PKD2: variants seen among roughly 807,000 people sequenced by gnomAD.
PKD2 encodes polycystin-2.
Under a neutral mutation model 105.9 loss-of-function variants are expected in PKD2, and 48 were observed. The ratio of observed to expected loss-of-function variants is 0.45; its 90% CI spans 0.36 to 0.58. PKD2 has a LOEUF of 0.58. Ranked by LOEUF, PKD2 falls within the 20% of genes least tolerant of loss-of-function variation. The pLI is 0.00. For synonymous variants in PKD2, 464 were observed against 481.1 expected (o/e 0.96, Z 0.46); for missense variants, 1,078 against 1,255.3 (o/e 0.86, Z 2.13).
chr4:88,064,602 A>G (rs545343148), intron 10 of PKD2, among the ~76,000 whole-genome samples: 1 of 152,264 alleles, frequency 6.6e-6, no homozygotes, highest in African/African-American at 2.4e-5. Flanking sequence ...TCGCTAATGA[A>G]AAATCCTCGG....
Position 88,052,026 on chromosome 4 carries a change from A to G in PKD2, c.1584A>G (p.Arg528=), listed in dbSNP as rs1488592150. The G allele has an allele frequency of 1.9e-6, 3 of 1,599,280 alleles. No individual in the cohort carries two copies. Among genetic ancestry groups the G allele is most frequent in the Non-Finnish European group, 1.7e-6 (2 of 1,166,948 alleles). ...SVVAIGINIY[R]TSNVEVLLQF... is the part of the protein sequence containing the mutation. ...TAGCTATAGGAATTAACATATACAG[A>G]ACATCAAATGTGGAGGTGCTACTAC... The change falls in exon 7 of 15, where the codon AGA becomes AGG. Residue 528 remains arginine (R), a synonymous_variant. Transcript: ENST00000237596.
intron 2 of PKD2, among the ~76,000 whole-genome samples, chr4:88,022,488 TC>T (rs1024174490): frequency 3.3e-5 from 5 of 152,106 alleles, no homozygotes; most frequent in African/African-American, 1.2e-4. Flanking sequence ...TCTGAGTAAT[TC>T]CCCCATTCCT....
At chr4:88,038,642 T>A in intron 4 of PKD2, 141 bp downstream of exon 4, 1 of 847,968 alleles carries the variant, frequency 1.2e-6, no homozygotes, top group South Asian at 1.4e-5. Flanking sequence ...TATTTAAACC[T>A]TGGCCAACTT....
rs550580463 is a variant in PKD2, at chr4:88,055,341, T to C, written c.1717-745T>C. Among the ~76,000 whole-genome samples the C allele has an allele frequency of 4.7e-4, 72 of 152,288 alleles. 1 individual carries two copies. The highest frequency in any genetic ancestry group is 3.4e-3 in the Middle Eastern group (1 of 294). On this transcript the variant is annotated intron_variant, in intron 7 of 14. Transcript: ENST00000237596. The stretch of plus-strand genomic sequence containing the variant: ...GGGGGGTTTTATAATTAATTTTTAT[T>C]TGTGTGAAGTTTTTTCCCTCCCTTT...
intron 2 of PKD2, among the ~76,000 whole-genome samples, chr4:88,026,412 T>A (rs1726959643): frequency 1.3e-5 from 2 of 152,226 alleles, no homozygotes; most frequent in African/African-American, 4.8e-5. Flanking sequence ...AAGATATTTC[T>A]AAGCACCAAA....
intron 9 of PKD2, among the ~76,000 whole-genome samples, chr4:88,060,611 A>C (rs1720537210): frequency 6.6e-6 from 1 of 152,176 alleles, no homozygotes; most frequent in Non-Finnish European, 1.5e-5. Context: ...GACATTATCA[A>C]ATAGAAATAC....
At position 88,052,042 on chromosome 4, in the gene PKD2, G is replaced by A. The variant is rs780865432; in HGVS notation, c.1600G>A (p.Val534Met). ...INIYRTSNVE[V>M]LLQFLEDQNT... ...CATATACAGAACATCAAATGTGGAG[G>A]TGCTACTACAGTTTCTGGAAGATCA... The change falls in exon 7 of 15, where the codon GTG becomes ATG. Residue 534 changes from valine (V) to methionine (M), a missense_variant. Around this residue, in one of 2 missense-constraint regions of PKD2, gnomAD observed 868 missense variants for 1,067.3 expected, o/e 0.81. Transcript: ENST00000237596. 6.2e-7 allele frequency: 1 copy of A among 1,601,190 alleles called. No homozygotes were observed.
chr4:88,061,382 C>A (rs2110133216), intron 9 of PKD2, among the ~76,000 whole-genome samples: 1 of 152,080 alleles, frequency 6.6e-6, no homozygotes, highest in African/African-American at 2.4e-5. Context: ...TAAAATTTTT[C>A]CTGTGGCATG....
chr4:88,069,832 C>A (rs1720948439), intron 13 of PKD2, among the ~76,000 whole-genome samples: 1 of 152,144 alleles, frequency 6.6e-6, no homozygotes, highest in African/African-American at 2.4e-5. Context: ...TTCTCCGATA[C>A]AGCTTTGCTA....
At chr4:88,037,485 TTAC>T (rs1339368968) in intron 3 of PKD2, among the ~76,000 whole-genome samples, 1 of 152,216 alleles carries the variant, frequency 6.6e-6, no homozygotes, top group Non-Finnish European at 1.5e-5. Flanking sequence ...TCTAAAATTC[TTAC>T]TACACCCTGG....
intron 1 of PKD2, 92 bp from the exon 2 acceptor site, chr4:88,019,366 C>A: frequency 1.4e-5 from 10 of 692,274 alleles, no homozygotes; most frequent in Non-Finnish European, 2.5e-5. Flanking sequence ...TATAGGTGAA[C>A]TTTTTAATTT....
At chr4:88,067,158 A>G (rs1343004646) in intron 12 of PKD2, among the ~76,000 whole-genome samples, 2 of 152,206 alleles carry the variant, frequency 1.3e-5, no homozygotes, top group Non-Finnish European at 2.9e-5. Flanking sequence ...GAGCACAAAC[A>G]TGATAGTCAA....
chr4:88,040,642 A>G (rs1006312331), intron 4 of PKD2, among the ~76,000 whole-genome samples: 2 of 152,146 alleles, frequency 1.3e-5, no homozygotes, highest in African/African-American at 2.4e-5. Flanking sequence ...GGAAGCTACT[A>G]GGGACCTCTA....
At chr4:88,052,323 C>T (rs1025923840) in intron 7 of PKD2, among the ~76,000 whole-genome samples, 165 bp downstream of exon 7, 1 of 152,138 alleles carries the variant, frequency 6.6e-6, no homozygotes, top group African/African-American at 2.4e-5. Context: ...GGCTGGAGTG[C>T]AGTGGTATGA....
chr4:88,067,880 T>C lies in PKD2; in HGVS notation c.2359-18T>C, dbSNP rs771303286. The C allele has an allele frequency of 6.2e-7, 1 of 1,611,862 alleles. No individual in the cohort carries two copies. The highest frequency in any genetic ancestry group is 8.5e-7 in the Non-Finnish European group (1 of 1,178,986). Reference sequence around the variant, plus strand: ...TCTCAGTGTTCTGCTCCTCACTCAGTGACCCCTTGTTCTTCAGGAGGACCT... The same window carrying C: ...TCTCAGTGTTCTGCTCCTCACTCAGCGACCCCTTGTTCTTCAGGAGGACCT... On this transcript the variant is annotated intron_variant, in intron 12 of 14. Coordinates refer to ENST00000237596, the MANE Select transcript of PKD2 (RefSeq NM_000297.4).
chr4:88,047,984 G>A (rs888556062), intron 6 of PKD2, among the ~76,000 whole-genome samples: 7 of 151,868 alleles, frequency 4.6e-5, no homozygotes, highest in African/African-American at 1.5e-4. Flanking sequence ...TTAAGCATCC[G>A]TCACTTCCTT....
intron 2 of PKD2, among the ~76,000 whole-genome samples, chr4:88,029,932 G>T (rs938394547): frequency 3.3e-5 from 5 of 152,212 alleles, no homozygotes; most frequent in South Asian, 2.1e-4. Flanking sequence ...AGGTGACCAG[G>T]GGCCAGACCT....
rs192956429 is a variant in PKD2 at position 88,023,216 on chromosome 4, G to A, written c.709+3645G>A. ...CATAGCTCCAGCATCTGCTTCTGGG[G>A]AGGCCTCAGGAAGCTGTTACTCATG... On this transcript the variant is annotated intron_variant, in intron 2 of 14. Coordinates refer to ENST00000237596, the MANE Select transcript of PKD2 (RefSeq NM_000297.4). Among the ~76,000 whole-genome samples, 355 of 152,306 alleles carry A rather than the reference G, an allele frequency of 2.3e-3. 3 individuals carry two copies. Among genetic ancestry groups the A allele is most frequent in the Middle Eastern group, 6.8e-3 (2 of 294 alleles).
intron 4 of PKD2, among the ~76,000 whole-genome samples, chr4:88,038,780 T>C (rs985386675): frequency 6.6e-6 from 1 of 152,176 alleles, no homozygotes; most frequent in African/African-American, 2.4e-5. Context: ...GTTTGAAAAT[T>C]TCATTTAAGA....
Sources: allele counts gnomAD v4.1 joint callset (sites outside exome capture counted in the v4.1 genomes callset), GRCh38; gene constraint gnomAD v4.1.1; regional missense constraint gnomAD v4.1.1; transcripts MANE v1.5; gene names NCBI Gene and HGNC (gene_info 2026-07-23, HGNC 2026-07-21).